The following MYO3B variants were observed in gnomAD, a reference collection of about 807,000 sequenced individuals.
MYO3B encodes the protein myosin-IIIb.
MYO3B carries 156 observed loss-of-function variants against 174.6 expected under a neutral mutation model. The observed-to-expected ratio is 0.89, with a 90% CI of 0.78 to 1.02. MYO3B has a LOEUF of 1.02. MYO3B is among the 50% of genes least tolerant of loss of function. The pLI is 0.00. For missense variants in MYO3B, 1,632 were observed against 1,639.4 expected, an observed-to-expected ratio of 1.00 and a Z score of 0.08; for synonymous variants, 563 against 569.1, an observed-to-expected ratio of 0.99 and a Z score of 0.15.
At chr2:170,398,555 C>T (rs1225064873) in intron 16 of MYO3B, among the ~76,000 whole-genome samples, 3 of 152,166 alleles carry the variant, frequency 2.0e-5, no homozygotes, top group Non-Finnish European at 4.4e-5. Flanking sequence ...GTTCCTCTGG[C>T]AACCAGCTCT....
At chr2:170,644,116 C>T (rs1019233036) in intron 32 of MYO3B, among the ~76,000 whole-genome samples, 1 of 152,190 alleles carries the variant, frequency 6.6e-6, no homozygotes, top group Non-Finnish European at 1.5e-5. Flanking sequence ...TGACTTACAA[C>T]TGTGCATGAA....
chr2:170,629,872 A>G (rs1031296890), intron 32 of MYO3B, among the ~76,000 whole-genome samples: 9 of 152,158 alleles, frequency 5.9e-5, no homozygotes, highest in Non-Finnish European at 1.2e-4. Context: ...CAAAACCCAC[A>G]CAATAATGAA....
chr2:170,360,053 C>T (rs992551836), intron 8 of MYO3B, among the ~76,000 whole-genome samples: 1 of 152,084 alleles, frequency 6.6e-6, no homozygotes, highest in Non-Finnish European at 1.5e-5. Flanking sequence ...AATATAATGT[C>T]TTCTGTTTGA....
chr2:170,518,710 A>G (rs1688474551), intron 29 of MYO3B, among the ~76,000 whole-genome samples: 1 of 152,188 alleles, frequency 6.6e-6, no homozygotes, highest in African/African-American at 2.4e-5. Context: ...CTACCTGCAG[A>G]GTCTCTGATT....
At chr2:170,376,366 A>C (rs189175169) in intron 9 of MYO3B, among the ~76,000 whole-genome samples, 2 of 152,322 alleles carry the variant, frequency 1.3e-5, no homozygotes, top group East Asian at 3.9e-4. Flanking sequence ...TCTGTTATCA[A>C]AGGGTATATT....
At chr2:170,187,530 C>A (rs934308796) in intron 1 of MYO3B, among the ~76,000 whole-genome samples, 2 of 152,120 alleles carry the variant, frequency 1.3e-5, no homozygotes, top group African/African-American at 4.8e-5. Context: ...TGCCCAGCCA[C>A]TTTTCTAGTT....
chr2:170,384,012 T>C, intron 12 of MYO3B, 198 bp downstream of exon 12: 1 of 519,348 alleles, frequency 1.9e-6, no homozygotes, highest in Non-Finnish European at 3.5e-6. Context: ...AAAATGCTTT[T>C]CAAGAAACAT....
chr2:170,259,020 C>T (rs368167983), intron 7 of MYO3B, among the ~76,000 whole-genome samples: 3 of 151,900 alleles, frequency 2.0e-5, no homozygotes, highest in African/African-American at 4.8e-5. Context: ...AAGATCTCTA[C>T]GAGGATAACT....
chr2:170,371,568 C>G (rs981006329), intron 9 of MYO3B, among the ~76,000 whole-genome samples: 4 of 152,128 alleles, frequency 2.6e-5, no homozygotes, highest in African/African-American at 4.8e-5. Flanking sequence ...ATTACTTCCT[C>G]TTAGCAACTG....
chr2:170,502,827 A>C (rs1687362569), intron 28 of MYO3B, among the ~76,000 whole-genome samples: 1 of 152,224 alleles, frequency 6.6e-6, no homozygotes, highest in South Asian at 2.1e-4. Context: ...CTCTTGAAAG[A>C]AGTCCCTCCT....
At chr2:170,645,061 C>G (rs1292638963) in intron 32 of MYO3B, among the ~76,000 whole-genome samples, 2 of 151,970 alleles carry the variant, frequency 1.3e-5, no homozygotes, top group Non-Finnish European at 2.9e-5. Flanking sequence ...AGGTAGTTGC[C>G]AATGTACGAC....
chr2:170,534,725 CCACCCA>C (rs368166863), intron 30 of MYO3B, among the ~76,000 whole-genome samples: 6 of 152,296 alleles, frequency 3.9e-5, no homozygotes, highest in African/African-American at 1.4e-4. Flanking sequence ...CAGGCATGAG[CCACCCA>C]CACCCAGCCT....
intron 32 of MYO3B, among the ~76,000 whole-genome samples, chr2:170,554,248 C>G (rs1301474537): frequency 6.6e-6 from 1 of 152,214 alleles, no homozygotes; most frequent in Admixed American, 6.5e-5. Flanking sequence ...ACTGAGGGCT[C>G]TGTTCAAAAC....
intron 7 of MYO3B, among the ~76,000 whole-genome samples, chr2:170,282,986 T>C (rs2093524661): frequency 6.6e-6 from 1 of 152,134 alleles, no homozygotes; most frequent in Non-Finnish European, 1.5e-5. Flanking sequence ...CATTTCACCA[T>C]TGCAGTCCTC....
intron 9 of MYO3B, among the ~76,000 whole-genome samples, chr2:170,374,334 G>T (rs2094272218): frequency 6.6e-6 from 1 of 152,126 alleles, no homozygotes; most frequent in African/African-American, 2.4e-5. Flanking sequence ...TCTAGTCCTG[G>T]GACTGGCTAT....
chr2:170,598,635 T>C (rs1339830707), intron 32 of MYO3B, among the ~76,000 whole-genome samples: 2 of 152,154 alleles, frequency 1.3e-5, no homozygotes, highest in African/African-American at 4.8e-5. Context: ...CCACATGTGG[T>C]CTACCTGCTG....
At chr2:170,320,333 A>G (rs989570221) in intron 7 of MYO3B, among the ~76,000 whole-genome samples, 6 of 152,228 alleles carry the variant, frequency 3.9e-5, no homozygotes, top group Admixed American at 1.3e-4. Flanking sequence ...CAGGTGTGAA[A>G]CACTGTGTCT....
intron 22 of MYO3B, among the ~76,000 whole-genome samples, chr2:170,426,717 G>C (rs953981692): frequency 1.3e-4 from 20 of 152,060 alleles, no homozygotes; most frequent in African/African-American, 4.6e-4. Flanking sequence ...TTAATGAATG[G>C]GAGTAGAAAT....
Position 170,371,216 on chromosome 2 carries a change from TAAA to T in MYO3B, c.971+1861_971+1863del, listed in dbSNP as rs56689548. 5.0e-4 allele frequency among the ~76,000 whole-genome samples: 45 copies of T among 89,714 alleles called. 1 individual carries two copies. The highest frequency in any genetic ancestry group is 6.3e-3 in the Middle Eastern group (1 of 160). The allele number at this position is 89,714 out of a possible 152,430, so 58.9% of individuals were successfully genotyped here. ...CTGGGCGACAGAGCAAGACAGTGTCTAAAAAAAAAAAAAAAAAAAAAAAACCAA... is the reference window on the plus strand; with the variant it reads ...CTGGGCGACAGAGCAAGACAGTGTCTAAAAAAAAAAAAAAAAAAAAACCAA... On this transcript the variant is annotated intron_variant, in intron 9 of 34. Coordinates refer to ENST00000408978, the MANE Select transcript of MYO3B (RefSeq NM_138995.5).
Sources: allele counts gnomAD v4.1 joint callset (sites outside exome capture counted in the v4.1 genomes callset), GRCh38; gene constraint gnomAD v4.1.1; transcripts MANE v1.5; gene names NCBI Gene and HGNC (gene_info 2026-07-23, HGNC 2026-07-21).